MEIS2: variants seen among roughly 807,000 people sequenced by gnomAD.
MEIS2 encodes Meis homeobox 2.
Under a neutral mutation model 58.6 loss-of-function variants are expected in MEIS2, and 9 were observed. That is an observed-to-expected ratio of 0.15 (90% CI 0.09 to 0.27). The LOEUF (loss-of-function observed/expected upper bound fraction) is 0.27. Among genes scored for constraint, MEIS2 ranks in the 10% least tolerant of loss-of-function variants. MEIS2 has a pLI of 1.00. For synonymous variants in MEIS2, 221 were observed against 228.4 expected, an observed-to-expected ratio of 0.97 and a Z score of 0.29; for missense variants, 427 against 635.0, an observed-to-expected ratio of 0.67 and a Z score of 3.52.
intron 9 of MEIS2, among the ~76,000 whole-genome samples, chr15:36,949,447 C>T (rs1479640108): frequency 1.3e-5 from 2 of 151,938 alleles, no homozygotes; most frequent in African/African-American, 4.8e-5. Context: ...TTAAGGAAAG[C>T]TGTGAATAAA....
intron 8 of MEIS2, among the ~76,000 whole-genome samples, chr15:36,989,751 T>A (rs2060208402): frequency 6.6e-6 from 1 of 152,234 alleles, no homozygotes; most frequent in South Asian, 2.1e-4. Context: ...CATAATGGAA[T>A]AGCTTAATTG....
intron 9 of MEIS2, among the ~76,000 whole-genome samples, chr15:36,948,859 T>G (rs1051744214): frequency 7.9e-5 from 12 of 152,084 alleles, no homozygotes; most frequent in African/African-American, 2.9e-4. Flanking sequence ...ACTGCCTTTA[T>G]TCCAAGTTTT....
intron 9 of MEIS2, among the ~76,000 whole-genome samples, chr15:36,936,272 G>A (rs1446438756): frequency 2.8e-5 from 2 of 72,246 alleles, no homozygotes; most frequent in Admixed American, 1.0e-4. Context: ...TCGGCTCACT[G>A]CAAGCTCCGC....
At chr15:36,892,529 T>C (rs2055924513) in intron 11 of MEIS2, 70 bp from the exon 12 acceptor site, 1 of 994,182 alleles carries the variant, frequency 1.0e-6, no homozygotes, top group Non-Finnish European at 1.4e-6. Context: ...CCATCAAAGA[T>C]GAAAAGAAAA....
At chr15:36,920,117 CTTTTAT>C in intron 9 of MEIS2, among the ~76,000 whole-genome samples, 1 of 125,694 alleles carries the variant, frequency 8.0e-6, no homozygotes, top group African/African-American at 2.7e-5. Context: ...ACCTATACTG[CTTTTAT>C]TTATTTATTT....
intron 8 of MEIS2, among the ~76,000 whole-genome samples, chr15:36,955,333 A>G (rs1170504456): frequency 6.6e-6 from 1 of 152,090 alleles, no homozygotes; most frequent in Non-Finnish European, 1.5e-5. Flanking sequence ...TTAGCTTTTC[A>G]TTGTCATGCT....
At chr15:36,912,365 T>C (rs924109661) in intron 9 of MEIS2, among the ~76,000 whole-genome samples, 1 of 152,226 alleles carries the variant, frequency 6.6e-6, no homozygotes, top group Non-Finnish European at 1.5e-5. Flanking sequence ...GCATAATTGC[T>C]CTTATGGAAT....
At chr15:36,897,394 G>A (rs547573640) in intron 9 of MEIS2, 3 of 152,328 alleles carry the variant, frequency 2.0e-5, no homozygotes, top group African/African-American at 7.2e-5. Flanking sequence ...TGATATTAGA[G>A]CTCAAGAAAC....
chr15:36,911,717 A>G (rs2057035320), intron 9 of MEIS2, among the ~76,000 whole-genome samples: 1 of 152,180 alleles, frequency 6.6e-6, no homozygotes, highest in African/African-American at 2.4e-5. Context: ...CAATCCTGTC[A>G]TTCAGGCTAA....
At chr15:36,977,225 T>C (rs2059788791) in intron 8 of MEIS2, among the ~76,000 whole-genome samples, 1 of 152,120 alleles carries the variant, frequency 6.6e-6, no homozygotes, top group African/African-American at 2.4e-5. Context: ...CAAAATTCAG[T>C]TGAGGAAAAA....
At chr15:36,953,545 A>T (rs998271250) in intron 8 of MEIS2, among the ~76,000 whole-genome samples, 5 of 152,168 alleles carry the variant, frequency 3.3e-5, no homozygotes, top group Non-Finnish European at 7.4e-5. Context: ...ATAAGAGCAC[A>T]CGTCATTGTA....
intron 8 of MEIS2, among the ~76,000 whole-genome samples, chr15:36,983,720 T>G (rs1442167695): frequency 6.6e-6 from 1 of 152,118 alleles, no homozygotes; most frequent in Non-Finnish European, 1.5e-5. Flanking sequence ...AATGAATCCA[T>G]GGATTGCTTT....
chr15:36,898,536 G>A (rs4923729), intron 9 of MEIS2: 134,562 of 152,154 alleles, frequency 0.88, 59,565 homozygotes, highest in Admixed American at 0.91. Context: ...CTAACTCTTC[G>A]GGTAAAACGA....
At chr15:37,063,666 G>C (rs1889547421) in intron 7 of MEIS2, among the ~76,000 whole-genome samples, 1 of 152,124 alleles carries the variant, frequency 6.6e-6, no homozygotes, top group South Asian at 2.1e-4. Flanking sequence ...CCTTGATCTA[G>C]CACTTTTTTC....
chr15:37,095,536 G>A (rs1894121806), intron 4 of MEIS2, 28 bp downstream of exon 4: 2 of 1,613,986 alleles, frequency 1.2e-6, no homozygotes, highest in African/African-American at 2.7e-5. Context: ...GCAAAGGCTG[G>A]GGAAAAACAA....
At chr15:37,010,668 G>T (rs574133273) in intron 8 of MEIS2, among the ~76,000 whole-genome samples, 1 of 152,184 alleles carries the variant, frequency 6.6e-6, no homozygotes, top group Non-Finnish European at 1.5e-5. Context: ...TTTGAGCCAC[G>T]GCACCCGGCC....
intron 9 of MEIS2, among the ~76,000 whole-genome samples, chr15:36,919,530 T>C (rs1213404729): frequency 1.3e-5 from 2 of 150,478 alleles, no homozygotes; most frequent in African/African-American, 4.9e-5. Flanking sequence ...GGAGTCGAGA[T>C]TGCGCCACTG....
At chr15:36,952,607 C>CTGTGTGTGTGTG (rs59061267) in intron 8 of MEIS2, among the ~76,000 whole-genome samples, 229 of 140,076 alleles carry the variant, frequency 1.6e-3, no homozygotes, top group Non-Finnish European at 2.1e-3. Context: ...GTCTCTCTCT[C>CTGTGTGTGTGTG]TGTGTGTGTG....
At chr15:37,098,313 A>T (rs1894581919) in intron 1 of MEIS2, 114 bp from the exon 2 acceptor site, 2 of 1,343,432 alleles carry the variant, frequency 1.5e-6, no homozygotes, top group African/African-American at 3.0e-5. Flanking sequence ...AGAGGAAGGG[A>T]TAAAGATGAG....
Sources: gnomAD v4.1 joint callset for allele counts (sites outside exome capture counted in the v4.1 genomes callset) on GRCh38, gnomAD v4.1.1 for gene constraint, MANE v1.5 for transcripts, NCBI Gene and HGNC (gene_info 2026-07-23, HGNC 2026-07-21) for gene names.